Variants in PCSK6 observed in about 807,000 individuals in gnomAD.
The protein encoded by PCSK6 is paired basic amino acid cleaving enzyme 4.
In PCSK6, 85 loss-of-function variants were observed where a neutral mutation model predicts 123.3. That is an observed-to-expected ratio of 0.69 (90% confidence interval 0.58 to 0.83). The LOEUF (loss-of-function observed/expected upper bound fraction) is 0.83, where lower values mean the gene tolerates loss of function less well. Ranked by LOEUF, PCSK6 falls within the 40% of genes least tolerant of loss-of-function variation. The probability of loss-of-function intolerance (pLI) is 0.00; values close to 1 mark genes in which losing one functional copy is unlikely to be tolerated. For synonymous variants in PCSK6, 508 were observed against 516.0 expected, an observed-to-expected ratio of 0.98 and a Z score of 0.21; for missense variants, 1,191 against 1,282.3, an observed-to-expected ratio of 0.93 and a Z score of 1.09.
intron 13 of PCSK6, among the ~76,000 whole-genome samples, chr15:101,341,107 G>A (rs1033666746): frequency 5.3e-5 from 8 of 150,940 alleles, no homozygotes; most frequent in African/African-American, 2.0e-4. Context: ...GCTAAATTTT[G>A]TATTTTTAGT....
At chr15:101,467,964 G>C (rs1308044933) in intron 1 of PCSK6, among the ~76,000 whole-genome samples, 1 of 152,218 alleles carries the variant, frequency 6.6e-6, no homozygotes, top group Non-Finnish European at 1.5e-5. Context: ...TGGACGGGTG[G>C]TGGCTTCACA....
At position 101,393,308 on chromosome 15, in the gene PCSK6, G is replaced by A. The variant is rs371156794; in HGVS notation, c.1113C>T (p.Ser371=). The change falls in exon 8 of 22, where the codon AGC becomes AGT. Residue 371 remains serine (S), a synonymous_variant. Transcript: ENST00000611716. ...TNSIYTISVS[S]ATENGYKPWY... ...AGGGCTTGTAGCCATTCTCGGTGGC[G>A]CTGCTGACGGAGATGGTGTAGATGC... 1.6e-5 allele frequency: 25 copies of A among 1,599,180 alleles called. No individual in the cohort carries two copies. Among genetic ancestry groups the A allele is most frequent in the Middle Eastern group, 1.6e-4 (1 of 6,062 alleles).
At chr15:101,452,051 T>C (rs1278515945) in intron 1 of PCSK6, among the ~76,000 whole-genome samples, 3 of 152,264 alleles carry the variant, frequency 2.0e-5, no homozygotes, top group African/African-American at 4.8e-5. Flanking sequence ...CATTCTGTTA[T>C]TGCAATAATT....
At chr15:101,311,557 T>G (rs2039864011) in intron 20 of PCSK6, among the ~76,000 whole-genome samples, 1 of 152,042 alleles carries the variant, frequency 6.6e-6, no homozygotes, top group Admixed American at 6.5e-5. Context: ...GTGAGCCAAT[T>G]CAACCTCTTT....
intron 13 of PCSK6, among the ~76,000 whole-genome samples, chr15:101,332,321 G>A (rs2141372256): frequency 6.6e-6 from 1 of 152,336 alleles, no homozygotes; most frequent in African/African-American, 2.4e-5. Flanking sequence ...ACTCTCCACT[G>A]TCCTGGAGGC....
At chr15:101,436,422 C>G (rs529764847) in intron 2 of PCSK6, among the ~76,000 whole-genome samples, 1 of 152,210 alleles carries the variant, frequency 6.6e-6, no homozygotes, top group Non-Finnish European at 1.5e-5. Flanking sequence ...GGAGACAGCT[C>G]GGCCAGCTCT....
At chr15:101,359,997 C>G (rs140027325) in intron 13 of PCSK6, among the ~76,000 whole-genome samples, 2 of 152,278 alleles carry the variant, frequency 1.3e-5, no homozygotes, top group East Asian at 3.9e-4. Context: ...CATCTTCCCC[C>G]CCTGCAATGT....
chr15:101,489,212 C>CCT (rs1555467768), intron 1 of PCSK6, among the ~76,000 whole-genome samples, 162 bp downstream of exon 1: 2 of 126,718 alleles, frequency 1.6e-5, no homozygotes, highest in South Asian at 2.5e-4. Flanking sequence ...GACACCCCCC[C>CCT]CCGCAGGGCG....
chr15:101,440,641 C>T (rs895400414), intron 2 of PCSK6, among the ~76,000 whole-genome samples: 4 of 152,190 alleles, frequency 2.6e-5, no homozygotes, highest in Non-Finnish European at 4.4e-5. Context: ...ATGGCAGCCT[C>T]GCATTCCGAA....
chr15:101,431,544 G>T (rs751216226), intron 3 of PCSK6, 81 bp from the exon 4 acceptor site: 2 of 1,564,834 alleles, frequency 1.3e-6, no homozygotes, highest in Non-Finnish European at 1.7e-6. Flanking sequence ...ACCCCACAGG[G>T]AGGCGCTTAG....
intron 1 of PCSK6, among the ~76,000 whole-genome samples, chr15:101,481,624 G>A (rs2057887226): frequency 6.6e-6 from 1 of 152,278 alleles, no homozygotes; most frequent in Non-Finnish European, 1.5e-5. Flanking sequence ...CAGGGAGCCT[G>A]AGAGCCATTC....
intron 8 of PCSK6, 34 bp from the exon 9 acceptor site, chr15:101,389,598 G>A: frequency 1.3e-6 from 2 of 1,531,690 alleles, no homozygotes. Flanking sequence ...AGGCAGTGAT[G>A]GCAGACAGGC....
chr15:101,352,237 T>G (rs1262490364), intron 13 of PCSK6, among the ~76,000 whole-genome samples: 1 of 138,710 alleles, frequency 7.2e-6, no homozygotes, highest in Non-Finnish European at 1.5e-5. Flanking sequence ...AAGCTCTGCC[T>G]CCCGGGTTCA....
At chr15:101,341,701 G>A (rs1000951694) in intron 13 of PCSK6, among the ~76,000 whole-genome samples, 2 of 152,330 alleles carry the variant, frequency 1.3e-5, no homozygotes, top group South Asian at 4.1e-4. Context: ...CTTGCCAGAA[G>A]CCCAGTTTGA....
At chr15:101,314,645 G>A (rs1388307620) in intron 19 of PCSK6, among the ~76,000 whole-genome samples, 3 of 152,182 alleles carry the variant, frequency 2.0e-5, no homozygotes, top group Non-Finnish European at 2.9e-5. Flanking sequence ...AACCACAGCC[G>A]TAAGCCTGGG....
chr15:101,373,294 C>G lies in PCSK6; in HGVS notation c.1533-2771G>C, dbSNP rs550363689. On this transcript the variant is annotated intron_variant, in intron 11 of 21. Coordinates refer to ENST00000611716, the MANE Select transcript of PCSK6 (RefSeq NM_002570.5). ...ACTTCGTTTGGTTTTCAAAGCCATG[C>G]CCTTACCTTCACCTGGGGGCTAGGA... 3.9e-4 allele frequency among the ~76,000 whole-genome samples: 59 copies of G among 152,304 alleles called. No homozygotes were observed. In the South Asian group the frequency reaches 0.012, roughly 32 times the overall value.
At chr15:101,472,235 C>T (rs537773372) in intron 1 of PCSK6, among the ~76,000 whole-genome samples, 14 of 152,200 alleles carry the variant, frequency 9.2e-5, no homozygotes, top group South Asian at 8.3e-4. Context: ...GTCAGCAGGT[C>T]GTCTTCTGCT....
chr15:101,413,808 A>C (rs1450619675), intron 6 of PCSK6, among the ~76,000 whole-genome samples: 4 of 151,760 alleles, frequency 2.6e-5, no homozygotes, highest in African/African-American at 9.7e-5. Context: ...TACCTCTTAA[A>C]TATGTGAAAT....
intron 11 of PCSK6, among the ~76,000 whole-genome samples, chr15:101,371,736 C>G (rs1015596919): frequency 6.6e-6 from 1 of 152,226 alleles, no homozygotes; most frequent in Non-Finnish European, 1.5e-5. Context: ...GCCTCCAGGC[C>G]TCGCTGCCTC....
Sources: allele counts gnomAD v4.1 joint callset (sites outside exome capture counted in the v4.1 genomes callset), GRCh38; gene constraint gnomAD v4.1.1; transcripts MANE v1.5; gene names NCBI Gene and HGNC (gene_info 2026-07-23, HGNC 2026-07-21).